The following TEX11 variants were observed in gnomAD, a reference collection of about 807,000 sequenced individuals.
The protein encoded by TEX11 is testis-expressed protein 11.
A neutral mutation model predicts 84.4 loss-of-function variants in TEX11; 7 were observed. The observed-to-expected ratio is 0.08, with a 90% CI of 0.05 to 0.16. The LOEUF is 0.16. Ranked by LOEUF, TEX11 falls within the 10% of genes least tolerant of loss-of-function variation. The probability of loss-of-function intolerance (pLI) is 1.00; values close to 1 mark genes in which losing one functional copy is unlikely to be tolerated. For missense variants in TEX11, 551 were observed against 660.5 expected, an observed-to-expected ratio of 0.83 and a Z score of 1.82; for synonymous variants, 264 against 222.8, an observed-to-expected ratio of 1.18 and a Z score of -1.64.
intron 24 of TEX11, among the ~76,000 whole-genome samples, chrX:70,599,744 C>A (rs2089067182): frequency 9.8e-6 from 1 of 101,546 alleles, no homozygotes; most frequent in Non-Finnish European, 2.0e-5. Flanking sequence ...TGTTCAATAC[C>A]CACCTATGAG....
intron 9 of TEX11, among the ~76,000 whole-genome samples, chrX:70,747,186 A>C (rs1440149920): frequency 4.5e-5 from 5 of 112,198 alleles, no homozygotes; most frequent in African/African-American, 1.6e-4. Flanking sequence ...GAACTATAAA[A>C]GCAGTCTCTA....
intron 25 of TEX11, among the ~76,000 whole-genome samples, chrX:70,558,978 A>G (rs1291550522): frequency 1.8e-5 from 2 of 112,246 alleles, no homozygotes; most frequent in African/African-American, 6.5e-5. Context: ...GAAATGTAAA[A>G]TGATGCAGCT....
chrX:70,832,588 G>A (rs969380074), intron 8 of TEX11, among the ~76,000 whole-genome samples: 3 of 111,951 alleles, frequency 2.7e-5, no homozygotes, highest in South Asian at 3.7e-4. Flanking sequence ...AAATAGGTAC[G>A]ATGTATGCAA....
intron 25 of TEX11, among the ~76,000 whole-genome samples, chrX:70,563,136 G>A (rs958431775): frequency 2.1e-4 from 23 of 111,592 alleles, no homozygotes; most frequent in Admixed American, 3.8e-4. Flanking sequence ...TGAGTTCTTC[G>A]GATAGGCGAA....
intron 28 of TEX11, among the ~76,000 whole-genome samples, chrX:70,542,996 A>G (rs1403353038): frequency 9.0e-6 from 1 of 111,116 alleles, no homozygotes; most frequent in Non-Finnish European, 1.9e-5. Context: ...CCTGGCTAAT[A>G]CGGTGAAACC....
At chrX:70,734,091 G>C (rs1388319298) in intron 11 of TEX11, among the ~76,000 whole-genome samples, 1 of 110,401 alleles carries the variant, frequency 9.1e-6, no homozygotes, top group African/African-American at 3.3e-5. Flanking sequence ...ACTCATAGGT[G>C]GGAATTGAAC....
chrX:70,798,037 A>C (rs1300596339), intron 9 of TEX11, among the ~76,000 whole-genome samples: 1 of 104,903 alleles, frequency 9.5e-6, no homozygotes, highest in Non-Finnish European at 2.0e-5. Flanking sequence ...GGGGGGGGGA[A>C]AGGCATTCAA....
In TEX11 at chrX:70,751,657, C is replaced by T. The variant is rs116113915; in HGVS notation, c.693-7438G>A. On this transcript the variant is annotated intron_variant, in intron 9 of 29. Transcript: ENST00000374333. Reference sequence around the variant, plus strand: ...ATAAACAAAAAAAAGAAAAAAAAATCTGTGAAATTAGAATCTTATATCTAG... The same window carrying T: ...ATAAACAAAAAAAAGAAAAAAAAATTTGTGAAATTAGAATCTTATATCTAG... 8.5e-4 allele frequency among the ~76,000 whole-genome samples: 95 copies of T among 111,287 alleles called. 2 individuals are homozygous for T. The highest frequency in any genetic ancestry group is 2.5e-3 in the African/African-American group (76 of 30,693).
chrX:70,598,603 T>C lies in TEX11; in HGVS notation c.2068-6780A>G, dbSNP rs967798946. Among the ~76,000 whole-genome samples, 8 of 112,273 alleles carry C rather than the reference T, an allele frequency of 7.1e-5. 1 individual carries two copies. The highest frequency in any genetic ancestry group is 2.6e-4 in the African/African-American group (8 of 30,936). ...GGCATTATTCACAAGAGCTGAAAAT[T>C]GGAAACAACCCAAATGTCCATCAAT... On this transcript the variant is annotated intron_variant, in intron 24 of 29. Coordinates refer to ENST00000374333, the MANE Select transcript of TEX11 (RefSeq NM_031276.3).
At chrX:70,812,070 T>C (rs368981959) in intron 8 of TEX11, among the ~76,000 whole-genome samples, 3 of 111,789 alleles carry the variant, frequency 2.7e-5, no homozygotes, top group Admixed American at 1.9e-4. Flanking sequence ...GTTGCCATTG[T>C]TTTTGGCGTT....
intron 9 of TEX11, among the ~76,000 whole-genome samples, chrX:70,758,824 C>A (rs750320031): frequency 3.5e-4 from 39 of 111,394 alleles, no homozygotes; most frequent in Non-Finnish European, 5.1e-4. Context: ...ATCAATGAAT[C>A]CAGGAGCTGG....
intron 13 of TEX11, among the ~76,000 whole-genome samples, chrX:70,685,136 G>A (rs1296100330): frequency 8.9e-6 from 1 of 112,173 alleles, no homozygotes; most frequent in African/African-American, 3.2e-5. Context: ...GGCCGAGGTT[G>A]GTGGATCGCT....
intron 28 of TEX11, among the ~76,000 whole-genome samples, chrX:70,546,469 G>A (rs895066364): frequency 3.6e-5 from 4 of 111,133 alleles, no homozygotes; most frequent in Non-Finnish European, 5.7e-5. Flanking sequence ...CCAGAGACTA[G>A]GAGAAAATAC....
chrX:70,550,364 T>C (rs980068725), intron 28 of TEX11, among the ~76,000 whole-genome samples: 1 of 111,675 alleles, frequency 9.0e-6, no homozygotes, highest in Non-Finnish European at 1.9e-5. Context: ...ATCCTACAAG[T>C]ATGGGCAACC....
intron 28 of TEX11, among the ~76,000 whole-genome samples, chrX:70,539,998 TA>T (rs761910456): frequency 8.9e-6 from 1 of 111,913 alleles, no homozygotes; most frequent in South Asian, 3.8e-4. Flanking sequence ...GTTAGAAACT[TA>T]GGCTTGTTTC....
intron 26 of TEX11, among the ~76,000 whole-genome samples, 200 bp from the exon 27 acceptor site, chrX:70,553,614 G>C (rs775521153): frequency 9.0e-6 from 1 of 111,303 alleles, no homozygotes; most frequent in Non-Finnish European, 1.9e-5. Flanking sequence ...TAGCATGGTG[G>C]GATTACCAGG....
intron 9 of TEX11, among the ~76,000 whole-genome samples, chrX:70,795,483 G>A (rs759327822): frequency 9.0e-6 from 1 of 111,120 alleles, no homozygotes; most frequent in African/African-American, 3.3e-5. Context: ...CGTTCATTAA[G>A]CAAACATAGG....
rs145946646 is a variant in TEX11 at position 70,787,867 on chromosome X, T to G, written c.692+18838A>C. On this transcript the variant is annotated intron_variant, in intron 9 of 29. Transcript: ENST00000374333. ...TGTACATGCAAAAATCAATAGTGTT[T>G]CTAGGCACGATCAATGAACTATCCA... Among the ~76,000 whole-genome samples the G allele has an allele frequency of 5.4e-5, 6 of 111,295 alleles. No homozygotes were observed. The East Asian group carries it at 1.4e-3, about 26-fold the overall frequency.
rs776574240 is a variant in TEX11, at chrX:70,740,687, T to C, written c.843+14A>G. 7.1e-6 allele frequency: 8 copies of C among 1,124,048 alleles called. No individual in the cohort carries two copies. The highest frequency in any genetic ancestry group is 2.7e-4 in the Middle Eastern group (1 of 3,716). 92.6% of individuals were successfully genotyped at this position (1,124,048 alleles called of 1,213,427 possible). ...AATACATTAAGTTAGTATTCAAAAA[T>C]ACAAGCCCCATACCTTGTTTGCTAG... On this transcript the variant is annotated intron_variant, in intron 11 of 29. Transcript: ENST00000374333.
Sources: gnomAD v4.1 joint callset for allele counts (sites outside exome capture counted in the v4.1 genomes callset) on GRCh38, gnomAD v4.1.1 for gene constraint, MANE v1.5 for transcripts, NCBI Gene and HGNC (gene_info 2026-07-23, HGNC 2026-07-21) for gene names.